Variants in CRYBG1 observed in about 807,000 individuals in gnomAD.
CRYBG1 encodes crystallin beta-gamma domain containing 1.
A neutral mutation model predicts 189.2 loss-of-function variants in CRYBG1; 139 were observed. The ratio of observed to expected loss-of-function variants is 0.73; its 90% CI spans 0.64 to 0.85. The LOEUF is 0.85. Ranked by LOEUF, CRYBG1 falls within the 40% of genes least tolerant of loss-of-function variation. CRYBG1 has a pLI of 0.00. For synonymous variants in CRYBG1, 1,023 were observed against 1,017.1 expected (o/e 1.01, Z -0.11); for missense variants, 2,611 against 2,675.8 (o/e 0.98, Z 0.53).
chr6:106,433,429 G>A (rs1036295961), intron 1 of CRYBG1, among the ~76,000 whole-genome samples: 3 of 152,034 alleles, frequency 2.0e-5, no homozygotes, highest in Non-Finnish European at 4.4e-5. Context: ...ATATGTACTC[G>A]TGGGTTATCA....
At position 106,521,047 on chromosome 6, in the gene CRYBG1, A is replaced by G; in HGVS notation, c.3839A>G (p.Gln1280Arg). 6.2e-7 allele frequency: 1 copy of G among 1,614,168 alleles called. No homozygotes were observed. The highest frequency in any genetic ancestry group is 8.5e-7 in the Non-Finnish European group (1 of 1,180,020). The change falls in exon 4 of 22, where the codon CAG (glutamine) becomes CGG (arginine). Residue 1280 changes from glutamine (Q) to arginine (R), a missense_variant. Physicochemically the swap from Gln to Arg is conservative, Grantham distance 43. This residue lies in a region of CRYBG1 where 1,622 missense variants were observed against 1,735.0 expected (regional missense o/e 0.93). Transcript: ENST00000633556. ...ACTTCTCAGAACGGTTCCCTATCTC[A>G]GTCTTCAGTGTCACAGCCCACGACT... ...FSTSQNGSLS[Q>R]SSVSQPTTEG...
chr6:106,549,077 C>T (rs1273330875), intron 13 of CRYBG1, among the ~76,000 whole-genome samples: 2 of 152,012 alleles, frequency 1.3e-5, no homozygotes, highest in African/African-American at 2.4e-5. Flanking sequence ...ATGAACTCAT[C>T]ATTTTTTATG....
rs368034588 is a variant in CRYBG1 at position 106,497,816 on chromosome 6, C to A, written c.313-13614C>A. On this transcript the variant is annotated intron_variant, in intron 2 of 21. Coordinates refer to ENST00000633556, the MANE Select transcript of CRYBG1 (RefSeq NM_001371242.2). ...TTAAGAACTGTCAGCTGAGGCTGGG[C>A]GCAGTGGCTCATGCCTGTAATCCCA... 4.1e-3 allele frequency among the ~76,000 whole-genome samples: 619 copies of A among 152,298 alleles called. 1 individual carries two copies. The highest frequency in any genetic ancestry group is 6.8e-3 in the South Asian group (33 of 4,826).
At chr6:106,546,668 G>C (rs1774271965) in intron 13 of CRYBG1, among the ~76,000 whole-genome samples, 1 of 152,160 alleles carries the variant, frequency 6.6e-6, no homozygotes, top group Non-Finnish European at 1.5e-5. Flanking sequence ...TCCTATTCTG[G>C]AGCCCTAACA....
At chr6:106,479,591 C>T (rs908525460) in intron 2 of CRYBG1, among the ~76,000 whole-genome samples, 7 of 152,166 alleles carry the variant, frequency 4.6e-5, no homozygotes, top group Admixed American at 1.3e-4. Context: ...CACCAACACT[C>T]GTTGTCTTTT....
intron 19 of CRYBG1, 132 bp from the exon 20 acceptor site, chr6:106,561,209 AC>A: frequency 9.3e-7 from 1 of 1,076,340 alleles, no homozygotes; most frequent in Non-Finnish European, 1.3e-6. Flanking sequence ...AAAATTTAAA[AC>A]CTCTGAGACT....
intron 2 of CRYBG1, among the ~76,000 whole-genome samples, chr6:106,497,826 C>T (rs1410605971): frequency 6.6e-6 from 1 of 152,206 alleles, no homozygotes; most frequent in Admixed American, 6.5e-5. Context: ...CGCAGTGGCT[C>T]ATGCCTGTAA....
At chr6:106,406,304 A>G (rs1232217196) in intron 1 of CRYBG1, among the ~76,000 whole-genome samples, 1 of 152,234 alleles carries the variant, frequency 6.6e-6, no homozygotes, top group Admixed American at 6.5e-5. Context: ...TTAATGAAAT[A>G]AAGTGTGAAG....
intron 1 of CRYBG1, among the ~76,000 whole-genome samples, chr6:106,416,344 C>T (rs1466877528): frequency 1.3e-5 from 2 of 152,232 alleles, no homozygotes; most frequent in Non-Finnish European, 2.9e-5. Context: ...GGGCTTCCCT[C>T]ACTTGGTTTA....
At chr6:106,425,733 G>A (rs1018713928) in intron 1 of CRYBG1, among the ~76,000 whole-genome samples, 2 of 152,140 alleles carry the variant, frequency 1.3e-5, no homozygotes, top group Non-Finnish European at 2.9e-5. Flanking sequence ...CCAGGTTCAA[G>A]CAATTCTCCT....
chr6:106,534,758 G>A (rs1773961055), intron 8 of CRYBG1, among the ~76,000 whole-genome samples: 1 of 152,132 alleles, frequency 6.6e-6, no homozygotes, highest in East Asian at 1.9e-4. Context: ...TAAGCAGCTG[G>A]CTAATCCTGG....
At chr6:106,552,288 A>C (rs1041977510) in intron 15 of CRYBG1, 72 bp downstream of exon 15, 188 of 1,157,328 alleles carry the variant, frequency 1.6e-4, no homozygotes, top group Non-Finnish European at 2.0e-4. Flanking sequence ...TTATGTTTCA[A>C]ATGTCAGACA....
intron 1 of CRYBG1, among the ~76,000 whole-genome samples, chr6:106,448,338 G>T (rs1329740609): frequency 6.6e-6 from 1 of 152,192 alleles, no homozygotes; most frequent in Non-Finnish European, 1.5e-5. Context: ...ACACTCAGCA[G>T]TTCCTGTTTT....
chr6:106,510,643 G>A (rs6929949), intron 2 of CRYBG1, among the ~76,000 whole-genome samples: 103,934 of 152,070 alleles, frequency 0.68, 37,073 homozygotes, highest in South Asian at 0.88. Context: ...GCATCCTTCA[G>A]CCACACCTCC....
At chr6:106,433,735 ACATATATATG>A (rs1326335372) in intron 1 of CRYBG1, among the ~76,000 whole-genome samples, 28,584 of 81,148 alleles carry the variant, frequency 0.35, 5,430 homozygotes, top group South Asian at 0.44. Context: ...ATATATATAT[ACATATATATG>A]TATATATATA....
chr6:106,429,132 T>C (rs1771279906), intron 1 of CRYBG1, among the ~76,000 whole-genome samples: 1 of 152,332 alleles, frequency 6.6e-6, no homozygotes, highest in East Asian at 1.9e-4. Context: ...GGCAAAATTA[T>C]TTTCCTTTCA....
chr6:106,407,659 G>A (rs1449304507), intron 1 of CRYBG1, among the ~76,000 whole-genome samples: 1 of 152,114 alleles, frequency 6.6e-6, no homozygotes, highest in East Asian at 1.9e-4. Context: ...CAAAAGAATG[G>A]AAATCATAAC....
chr6:106,391,035 A>G (rs1287749970), intron 1 of CRYBG1, among the ~76,000 whole-genome samples: 3 of 152,122 alleles, frequency 2.0e-5, no homozygotes, highest in African/African-American at 7.2e-5. Context: ...GTACACTCCT[A>G]CCAACAGTTA....
At chr6:106,494,690 T>G (rs1038500643) in intron 2 of CRYBG1, among the ~76,000 whole-genome samples, 1 of 152,234 alleles carries the variant, frequency 6.6e-6, no homozygotes, top group African/African-American at 2.4e-5. Flanking sequence ...CTTATAATTA[T>G]CTAATTATAT....
Sources: allele counts gnomAD v4.1 joint callset (sites outside exome capture counted in the v4.1 genomes callset), GRCh38; gene constraint gnomAD v4.1.1; regional missense constraint gnomAD v4.1.1; transcripts MANE v1.5; gene names NCBI Gene and HGNC (gene_info 2026-07-23, HGNC 2026-07-21).